Variants in CCDC88A observed in about 807,000 individuals in gnomAD.
CCDC88A encodes coiled-coil and HOOK domain protein 88A, also known as girdin.
Under a neutral mutation model 234.3 loss-of-function variants are expected in CCDC88A, and 54 were observed. The observed-to-expected ratio is 0.23, with a 90% CI of 0.19 to 0.29. CCDC88A has a LOEUF of 0.29. Ranked by LOEUF, CCDC88A falls within the 10% of genes least tolerant of loss-of-function variation. The pLI, the probability that CCDC88A is intolerant of heterozygous loss-of-function variation, is 1.00. For missense variants in CCDC88A, 1,832 were observed against 2,123.4 expected (o/e 0.86, Z 2.70); for synonymous variants, 753 against 737.8 (o/e 1.02, Z -0.33).
In CCDC88A at chr2:55,323,292, T is replaced by C. The variant is rs187507756; in HGVS notation, c.2998-600A>G. The C allele has an allele frequency of 4.6e-5, 7 of 152,356 alleles. No homozygotes were observed. In the East Asian group the frequency reaches 1.3e-3, roughly 29 times the overall value. The allele number at this position is 152,356 out of a possible 1,614,324, so 9.4% of individuals were successfully genotyped here. A position where few individuals can be genotyped will look rare whatever the true frequency, so the allele number is the denominator to read the frequency against. ...GAATTATTAAACTATCTTGAAGCACTAGTTTACCCTAGGAGATTCTTATAA... is the reference window on the plus strand; with the variant it reads ...GAATTATTAAACTATCTTGAAGCACCAGTTTACCCTAGGAGATTCTTATAA... On this transcript the variant is annotated intron_variant, in intron 17 of 32. Transcript: ENST00000436346.
intron 8 of CCDC88A, among the ~76,000 whole-genome samples, chr2:55,350,981 T>G (rs555492924): frequency 6.6e-6 from 1 of 152,196 alleles, no homozygotes; most frequent in Non-Finnish European, 1.5e-5. Context: ...GGTAGAAAAA[T>G]ATTCCCTTTG....
chr2:55,366,076 A>G (rs1671897943), intron 5 of CCDC88A, among the ~76,000 whole-genome samples: 1 of 152,204 alleles, frequency 6.6e-6, no homozygotes, highest in Admixed American at 6.5e-5. Flanking sequence ...GTGAAGACTA[A>G]ATAATATCAG....
chr2:55,340,839 A>C (rs2917778), intron 12 of CCDC88A, among the ~76,000 whole-genome samples: 58,825 of 151,960 alleles, frequency 0.39, 12,157 homozygotes, highest in East Asian at 0.85. Context: ...TAAGAGTAGC[A>C]TTATTGTTAA....
chr2:55,355,547 A>C, intron 8 of CCDC88A, 32 bp downstream of exon 8: 1 of 1,595,990 alleles, frequency 6.3e-7, no homozygotes, highest in Non-Finnish European at 8.6e-7. Context: ...GGACCATATA[A>C]ATTCAATGAA....
Position 55,295,763 on chromosome 2 carries a change from A to G in CCDC88A, c.5385T>C (p.Asp1795=), listed in dbSNP as rs1310425314. 2.5e-6 allele frequency: 4 copies of G among 1,614,202 alleles called. No homozygotes were observed. The highest frequency in any genetic ancestry group is 2.2e-5 in the East Asian group (1 of 44,882). The change falls in exon 31 of 33, where the codon GAT becomes GAC. Residue 1795 remains aspartate (D), a synonymous_variant. Transcript: ENST00000436346. ...KESSLSRQSK[D]SNPYATLPRA... ...GAGGTAAAGTTGCATAAGGGTTACT[A>G]TCTTTTGATTGTCGTGACAGAGAAG... is the stretch of plus-strand genomic sequence containing the variant.
intron 3 of CCDC88A, among the ~76,000 whole-genome samples, chr2:55,375,499 A>G (rs912764291): frequency 4.2e-5 from 1 of 24,046 alleles, no homozygotes; most frequent in East Asian, 4.6e-4. Flanking sequence ...ATATATATAT[A>G]TATATATATA....
chr2:55,357,275 A>ATTCC (rs1177523791), intron 7 of CCDC88A, among the ~76,000 whole-genome samples: 2 of 151,636 alleles, frequency 1.3e-5, no homozygotes, highest in African/African-American at 4.8e-5. Context: ...TCAAAGATAG[A>ATTCC]TTCCTTCCTT....
chr2:55,355,847 T>A, intron 7 of CCDC88A, 96 bp from the exon 8 acceptor site: 7 of 871,606 alleles, frequency 8.0e-6, no homozygotes, highest in Non-Finnish European at 1.1e-5. Context: ...TACTGCCATA[T>A]CAAAAACAAT....
intron 14 of CCDC88A, among the ~76,000 whole-genome samples, chr2:55,336,247 C>T (rs1685450334): frequency 6.6e-6 from 1 of 152,022 alleles, no homozygotes; most frequent in Admixed American, 6.6e-5. Flanking sequence ...TTCTCAGTTT[C>T]CTCAAACATA....
intron 12 of CCDC88A, chr2:55,339,916 C>T (rs774393614): frequency 1.6e-5 from 4 of 253,950 alleles, no homozygotes; most frequent in Non-Finnish European, 2.2e-5. Flanking sequence ...ACTGCAGCCT[C>T]AAACGCCTGG....
chr2:55,294,314 A>C (rs1419201926), intron 31 of CCDC88A: 1 of 983,438 alleles, frequency 1.0e-6, no homozygotes. Flanking sequence ...GATGATGAAA[A>C]GTGCAGAGAA....
Position 55,334,045 on chromosome 2 carries a change from G to T in CCDC88A, c.2727+49C>A. On this transcript the variant is annotated intron_variant, in intron 15 of 32. Transcript: ENST00000436346. This position sits in a 1 kb window ranked among gnomAD's most constrained non-coding sequence, Gnocchi z 6.1. ...CCAATAAAACTTAAAGAAACCTTGAGTTAAAAATATAAAAAAAAATTTGCC... is the reference window on the plus strand; with the variant it reads ...CCAATAAAACTTAAAGAAACCTTGATTTAAAAATATAAAAAAAAATTTGCC... The T allele has an allele frequency of 1.6e-6, 1 of 644,404 alleles. No homozygotes were observed. The highest frequency in any genetic ancestry group is 2.3e-6 in the Non-Finnish European group (1 of 427,168). The allele number at this position is 644,404 out of a possible 1,614,324, so 39.9% of individuals were successfully genotyped here. A position where few individuals can be genotyped will look rare whatever the true frequency, so the allele number is the denominator to read the frequency against.
At chr2:55,326,724 G>A (rs952274083) in intron 17 of CCDC88A, among the ~76,000 whole-genome samples, 4 of 152,122 alleles carry the variant, frequency 2.6e-5, no homozygotes, top group Middle Eastern at 3.4e-3. Context: ...CCGCCACCAC[G>A]CCTGGCTGGC....
chr2:55,418,994 A>G (rs777154980), intron 1 of CCDC88A, 23 bp downstream of exon 1: 1 of 1,605,114 alleles, frequency 6.2e-7, no homozygotes, highest in East Asian at 2.2e-5. Context: ...AGCAAAATAT[A>G]CAATAAAGGA....
intron 2 of CCDC88A, among the ~76,000 whole-genome samples, chr2:55,400,640 G>GA (rs2104940713): frequency 6.6e-6 from 1 of 152,346 alleles, no homozygotes; most frequent in South Asian, 2.1e-4. Flanking sequence ...CTAATACTCT[G>GA]AGATTTGGTC....
chr2:55,333,580 T>C lies in CCDC88A; in HGVS notation c.2727+514A>G, dbSNP rs187863237. The stretch of plus-strand genomic sequence containing the variant: ...CTGTGTGATCCTAATTTATTTAATG[T>C]TTCTGAACCTCAGTTTTCTCATCTA... On this transcript the variant is annotated intron_variant, in intron 15 of 32. Coordinates refer to ENST00000436346, the MANE Select transcript of CCDC88A (RefSeq NM_001365480.1). Among the ~76,000 whole-genome samples the C allele has an allele frequency of 1.6e-4, 25 of 152,294 alleles. 1 individual carries two copies. In the East Asian group the frequency reaches 4.4e-3, roughly 27 times the overall value.
chr2:55,288,152 C>G lies in CCDC88A; in HGVS notation c.*3048G>C, dbSNP rs528973252. ...AATGGTAGACACTGAAAAAGAAAAC[C>G]CTTAATAGAAAAGAAAAAGACAATT... On this transcript the variant is annotated 3_prime_UTR_variant, in exon 33 of 33. Coordinates refer to ENST00000436346, the MANE Select transcript of CCDC88A (RefSeq NM_001365480.1). 2 of 152,498 alleles carry G rather than the reference C, an allele frequency of 1.3e-5. No homozygotes were observed. Among genetic ancestry groups the G allele is most frequent in the Admixed American group, 1.3e-4 (2 of 15,282 alleles). The allele number at this position is 152,498 out of a possible 1,614,324, so 9.4% of individuals were successfully genotyped here. A position where few individuals can be genotyped will look rare whatever the true frequency, so the allele number is the denominator to read the frequency against.
intron 21 of CCDC88A, among the ~76,000 whole-genome samples, chr2:55,316,336 T>G (rs930712661): frequency 6.6e-6 from 1 of 152,156 alleles, no homozygotes; most frequent in African/African-American, 2.4e-5. Context: ...TTTCCTTTTT[T>G]CATCCACCCA....
At chr2:55,388,122 A>G (rs908483879) in intron 3 of CCDC88A, among the ~76,000 whole-genome samples, 4 of 152,224 alleles carry the variant, frequency 2.6e-5, no homozygotes, top group African/African-American at 9.6e-5. Flanking sequence ...GAAAACTGAC[A>G]ACGACATACT....
Sources: allele counts gnomAD v4.1 joint callset (sites outside exome capture counted in the v4.1 genomes callset), GRCh38; gene constraint gnomAD v4.1.1; non-coding constraint Gnocchi (gnomAD v3.1); transcripts MANE v1.5; gene names NCBI Gene and HGNC (gene_info 2026-07-23, HGNC 2026-07-21).